Variants in MAN2C1 observed in about 807,000 individuals in gnomAD.
MAN2C1 encodes the protein mannosidase alpha class 2C member 1, also known as alpha-mannosidase 2C1.
Under a neutral mutation model 126.9 loss-of-function variants are expected in MAN2C1, and 111 were observed. That is an observed-to-expected ratio of 0.87 (90% CI 0.75 to 1.02). The LOEUF (loss-of-function observed/expected upper bound fraction) is 1.02. Ranked by LOEUF, MAN2C1 falls within the 50% of genes least tolerant of loss-of-function variation. MAN2C1 has a pLI of 0.00. For synonymous variants in MAN2C1, 567 were observed against 561.5 expected (o/e 1.01, Z -0.14); for missense variants, 1,363 against 1,364.4 (o/e 1.00, Z 0.02).
chr15:75,368,397 G>A, intron 1 of MAN2C1, 86 bp downstream of exon 1: 1 of 1,452,660 alleles, frequency 6.9e-7, no homozygotes, highest in Non-Finnish European at 9.3e-7. Context: ...CGCGGCCCGG[G>A]TGGCTGCAGC....
rs1190136561 is a variant in MAN2C1 at position 75,356,488 on chromosome 15, G to A, written c.2738-39C>T. On this transcript the variant is annotated intron_variant, in intron 23 of 25. Transcript: ENST00000267978. The surrounding 1 kb of genome is among the most constrained non-coding windows in gnomAD (Gnocchi z 5.8). ...AGGAAACAATGCTGGTGGAGAATGG[G>A]GGCTACCCTCCCCTGTCCCTAGAAG... 2 of 1,573,334 alleles carry A rather than the reference G, an allele frequency of 1.3e-6. No individual in the cohort carries two copies. The highest frequency in any genetic ancestry group is 2.7e-5 in the African/African-American group (2 of 74,424).
Position 75,356,101 on chromosome 15 carries a change from G to A in MAN2C1, c.2996+9C>T, listed in dbSNP as rs1475116421. 18 of 1,613,760 alleles carry A rather than the reference G, an allele frequency of 1.1e-5. 1 individual carries two copies. The highest frequency in any genetic ancestry group is 5.5e-5 in the South Asian group (5 of 91,058). On this transcript the variant is annotated intron_variant, in intron 25 of 25. Coordinates refer to ENST00000267978, the MANE Select transcript of MAN2C1 (RefSeq NM_006715.4). The surrounding 1 kb of genome is among the most constrained non-coding windows in gnomAD (Gnocchi z 5.8). ...TCGACCCCCGCCCCAATCCCACACCGCCACTCACAGGATGGCCTCCTGAAC... is the reference window on the plus strand; with the variant it reads ...TCGACCCCCGCCCCAATCCCACACCACCACTCACAGGATGGCCTCCTGAAC...
chr15:75,365,446 C>T (rs1043104417), intron 4 of MAN2C1, among the ~76,000 whole-genome samples: 4 of 152,208 alleles, frequency 2.6e-5, no homozygotes, highest in Middle Eastern at 3.4e-3. Context: ...CGGGATGAGC[C>T]GGGCACGGTG....
Position 75,356,081 on chromosome 15 carries a change from C to T in MAN2C1, c.2996+29G>A. On this transcript the variant is annotated intron_variant, in intron 25 of 25. Coordinates refer to ENST00000267978, the MANE Select transcript of MAN2C1 (RefSeq NM_006715.4). The surrounding 1 kb of genome is among the most constrained non-coding windows in gnomAD (Gnocchi z 5.8). ...AGGCTCTGCGAGGGCGAGACTCGAC[C>T]CCCGCCCCAATCCCACACCGCCACT... 6.2e-7 allele frequency: 1 copy of T among 1,613,566 alleles called. No homozygotes were observed. The highest frequency in any genetic ancestry group is 8.5e-7 in the Non-Finnish European group (1 of 1,179,768).
At position 75,356,908 on chromosome 15, in the gene MAN2C1, G is replaced by A. The variant is rs923646844; in HGVS notation, c.2548-6C>T. The A allele has an allele frequency of 6.2e-7, 1 of 1,613,262 alleles. No homozygotes were observed. Among genetic ancestry groups the A allele is most frequent in the Non-Finnish European group, 8.5e-7 (1 of 1,179,388 alleles). On this transcript the variant is annotated splice_region_variant and splice_polypyrimidine_tract_variant and intron_variant, in intron 21 of 25. Transcript: ENST00000267978. The surrounding 1 kb of genome is among the most constrained non-coding windows in gnomAD (Gnocchi z 5.8). ...ATCCAGCGATGGGCCCACACCTGGA[G>A]GGCAGATCCAAGACCCACTTGGTGG... is the stretch of plus-strand genomic sequence containing the variant.
At position 75,364,525 on chromosome 15, in the gene MAN2C1, A is replaced by G. The variant is rs1329924082; in HGVS notation, c.563T>C (p.Leu188Pro). The G allele has an allele frequency of 1.2e-6, 2 of 1,604,722 alleles. No individual in the cohort carries two copies. The highest frequency in any genetic ancestry group is 1.1e-5 in the South Asian group (1 of 89,456). Reference protein sequence around the residue: ...LAVFHRDVHMLLVDLELLLGI... With the variant: ...LAVFHRDVHMPLVDLELLLGI... ...CAGCAGCAGCTCCAGATCCACCAGG[A>G]GCATGTGGACATCCCGGTGGAACAC... is the stretch of plus-strand genomic sequence containing the variant. Residue 188 changes from leucine (L) to proline (P), a missense_variant, in exon 5 of 26, where the codon CTC (leucine) becomes CCC (proline). Physicochemically the swap from Leu to Pro is moderately conservative, Grantham distance 98. Transcript: ENST00000267978.
Position 75,359,650 on chromosome 15 carries a change from G to A in MAN2C1, c.1918C>T (p.Leu640=), listed in dbSNP as rs777895958. 3.1e-6 allele frequency: 5 copies of A among 1,614,136 alleles called. No individual in the cohort carries two copies. The South Asian group carries it at 3.3e-5, about 11-fold the overall frequency. The change falls in exon 16 of 26, where the codon CTG becomes TTG. Residue 640 remains leucine (L), a synonymous_variant. Transcript: ENST00000267978. ...LPWKRIEVMA[L]PKPGGAHSLA... ...CTGTGGGCCCCGCCCGGTTTGGGCA[G>A]GGCCATCACTTCGATCCGCTTCCAG...
Position 75,359,384 on chromosome 15 carries a change from GAGGAAC to G in MAN2C1, c.1984_1989del (p.Val662_Pro663del). 6.2e-7 allele frequency: 1 copy of G among 1,608,706 alleles called. No homozygotes were observed. The highest frequency in any genetic ancestry group is 8.5e-7 in the Non-Finnish European group (1 of 1,178,152). ...AGCAGGGGCTGCAGTGAGGTGGGGG[GAGGAAC>G]AGGAGCATAGCCCATGCTGGGCACT... On this transcript the variant is annotated inframe_deletion, in exon 17 of 26. Transcript: ENST00000267978.
At position 75,356,978 on chromosome 15, in the gene MAN2C1, C is replaced by T. The variant is rs2072334077; in HGVS notation, c.2548-76G>A. 8.3e-7 allele frequency: 1 copy of T among 1,208,862 alleles called. No individual in the cohort carries two copies. Among genetic ancestry groups the T allele is most frequent in the South Asian group, 1.3e-5 (1 of 78,700 alleles). 74.9% of individuals were successfully genotyped at this position (1,208,862 alleles called of 1,614,324 possible). On this transcript the variant is annotated intron_variant, in intron 21 of 25. Coordinates refer to ENST00000267978, the MANE Select transcript of MAN2C1 (RefSeq NM_006715.4). This position sits in a 1 kb window ranked among gnomAD's most constrained non-coding sequence, Gnocchi z 5.8. ...CTCCCAGACTCCAGAGCTCCTGTCA[C>T]TAGGCCGAGCACAAGCTCTAGAACC...
chr15:75,356,168 G>A lies in MAN2C1; in HGVS notation c.2938C>T (p.His980Tyr), dbSNP rs746573916. Residue 980 changes from histidine (H) to tyrosine (Y), a missense_variant, in exon 25 of 26, where the codon CAC (histidine) becomes TAC (tyrosine). Around this residue, in one of 3 missense-constraint regions of MAN2C1, gnomAD observed 668 missense variants for 650.1 expected, o/e 1.03. Transcript: ENST00000267978. This position sits in a 1 kb window ranked among gnomAD's most constrained non-coding sequence, Gnocchi z 5.8. ...RSLVLRLYEA[H>Y]GSHVDCWLHL... The stretch of plus-strand genomic sequence containing the variant: ...AGCCAGCAGTCCACGTGGCTGCCGT[G>A]GGCCTCATACAGCCTCAGGACCAGC... The A allele has an allele frequency of 3.7e-6, 6 of 1,613,494 alleles. No homozygotes were observed. Among genetic ancestry groups the A allele is most frequent in the Middle Eastern group, 1.6e-4 (1 of 6,082 alleles).
Position 75,364,632 on chromosome 15 carries a change from C to G in MAN2C1, c.456G>C (p.Gly152=). 6.2e-7 allele frequency: 1 copy of G among 1,613,184 alleles called. No individual in the cohort carries two copies. Among genetic ancestry groups the G allele is most frequent in the Non-Finnish European group, 8.5e-7 (1 of 1,179,556 alleles). Residue 152 remains glycine, a synonymous_variant, in exon 5 of 26, where the codon GGG becomes GGC. Transcript: ENST00000267978. ...TGCTTCCCTTCCCGGCCCCCAGGAG[C>G]CCATTGCAGGCTACTTCCACATAGA... ...LTLYVEVACN[G]LLGAGKGSMI... is the part of the protein sequence containing the mutation.
intron 20 of MAN2C1, 47 bp downstream of exon 20, chr15:75,358,413 CTT>C (rs1213037374): frequency 6.2e-7 from 1 of 1,613,066 alleles, no homozygotes; most frequent in South Asian, 1.1e-5. Flanking sequence ...CTGGCCCCTC[CTT>C]ACCAAGCACA....
Position 75,362,848 on chromosome 15 carries a change from C to T in MAN2C1, c.791-100G>A. 1 of 982,604 alleles carries T rather than the reference C, an allele frequency of 1.0e-6. No individual in the cohort carries two copies. Among genetic ancestry groups the T allele is most frequent in the Non-Finnish European group, 1.6e-6 (1 of 633,694 alleles). 60.9% of individuals were successfully genotyped at this position (982,604 alleles called of 1,614,324 possible). A position where few individuals can be genotyped will look rare whatever the true frequency, so the allele number is the denominator to read the frequency against. The stretch of plus-strand genomic sequence containing the variant: ...ACCTAGCCCCCCTCCCATCCCAGGC[C>T]CTTCACCCTGGAAAGCCCTGTGGTG... On this transcript the variant is annotated intron_variant, in intron 6 of 25. Transcript: ENST00000267978. The surrounding 1 kb of genome is among the most constrained non-coding windows in gnomAD (Gnocchi z 4.5).
rs1567267092 is a variant in MAN2C1, at chr15:75,355,896, C to T, written c.*10G>A. ...GAGCCTTCTACAAACAAAACCCCAG[C>T]CCCAGGGACTCAGTGTGGCGGAGGC... On this transcript the variant is annotated 3_prime_UTR_variant, in exon 26 of 26. Coordinates refer to ENST00000267978, the MANE Select transcript of MAN2C1 (RefSeq NM_006715.4). 1.2e-6 allele frequency: 2 copies of T among 1,614,098 alleles called. No individual in the cohort carries two copies. The highest frequency in any genetic ancestry group is 8.5e-7 in the Non-Finnish European group (1 of 1,180,004).
At chr15:75,360,794 A>C (rs1223734071) in intron 12 of MAN2C1, 106 bp from the exon 13 acceptor site, 1 of 1,451,700 alleles carries the variant, frequency 6.9e-7, no homozygotes, top group Non-Finnish European at 9.3e-7. Flanking sequence ...GAGCCACTCC[A>C]GAAAGCTCCC....
At chr15:75,367,739 G>A (rs2072606029) in intron 2 of MAN2C1, 105 bp from the exon 3 acceptor site, 1 of 1,399,552 alleles carries the variant, frequency 7.1e-7, no homozygotes, top group East Asian at 2.3e-5. Context: ...AGCATCTGCA[G>A]TGTCACAAGG....
intron 21 of MAN2C1, among the ~76,000 whole-genome samples, chr15:75,357,571 T>C (rs1011342432): frequency 6.6e-6 from 1 of 151,004 alleles, no homozygotes; most frequent in Non-Finnish European, 1.5e-5. Context: ...CCTTCCAAAG[T>C]GCTGGGATTA....
chr15:75,367,325 C>T (rs1032558086), intron 3 of MAN2C1, among the ~76,000 whole-genome samples, 186 bp downstream of exon 3: 1 of 152,128 alleles, frequency 6.6e-6, no homozygotes, highest in South Asian at 2.1e-4. Context: ...TTGTATTATA[C>T]ACAATAAAAA....
Position 75,358,703 on chromosome 15 carries a change from C to T in MAN2C1, c.2246+1G>A. 1.9e-6 allele frequency: 3 copies of T among 1,613,922 alleles called. No homozygotes were observed. The highest frequency in any genetic ancestry group is 1.1e-5 in the South Asian group (1 of 91,072). ...ATCCCCACATGCTGCCCAGCCTATA[C>T]CGTGTCTCCAGGTGGTAGTCCATGA... On this transcript the variant is annotated splice_donor_variant, in intron 19 of 25. Transcript: ENST00000267978. LOFTEE classifies it high-confidence loss of function.
Sources: gnomAD v4.1 joint callset for allele counts (sites outside exome capture counted in the v4.1 genomes callset) on GRCh38, gnomAD v4.1.1 for gene constraint, gnomAD v4.1.1 regional missense constraint, Gnocchi (gnomAD v3.1) non-coding constraint, MANE v1.5 for transcripts, NCBI Gene and HGNC (gene_info 2026-07-23, HGNC 2026-07-21) for gene names.